The following CFH variants were observed in gnomAD, a reference collection of about 807,000 sequenced individuals.
The protein encoded by CFH is H factor 1 (complement).
Under a neutral mutation model 147.3 loss-of-function variants are expected in CFH, and 53 were observed. That is an observed-to-expected ratio of 0.36 (90% CI 0.29 to 0.45). The LOEUF is 0.45. Ranked by LOEUF, CFH falls within the 20% of genes least tolerant of loss-of-function variation. CFH has a pLI of 1.00. For missense variants in CFH, 1,380 were observed against 1,498.0 expected (o/e 0.92, Z 1.30); for synonymous variants, 536 against 489.4 (o/e 1.10, Z -1.26).
At chr1:196,736,793 T>C in intron 15 of CFH, 31 bp from the exon 16 acceptor site, 1 of 1,065,362 alleles carries the variant, frequency 9.4e-7, no homozygotes, top group Non-Finnish European at 1.2e-6. Context: ...TTTTTTATTA[T>C]AACATTAATT....
At chr1:196,737,804 A>T in intron 17 of CFH, 144 bp downstream of exon 17, 2 of 592,156 alleles carry the variant, frequency 3.4e-6, no homozygotes, top group Non-Finnish European at 5.7e-6. Flanking sequence ...TTTTTGCATG[A>T]TTGAATCTAT....
chr1:196,744,350 T>C (rs1356057933), intron 20 of CFH, among the ~76,000 whole-genome samples: 4 of 152,130 alleles, frequency 2.6e-5, no homozygotes, highest in Non-Finnish European at 4.4e-5. Context: ...AGGACTTAAA[T>C]CTCTGTCGTT....
intron 1 of CFH, among the ~76,000 whole-genome samples, chr1:196,659,626 A>G (rs549503800): frequency 6.6e-6 from 1 of 152,294 alleles, no homozygotes; most frequent in South Asian, 2.1e-4. Context: ...TGAAATTGCC[A>G]GGAGGAGGAT....
rs758919569 is a variant in CFH at position 196,679,735 on chromosome 1, T to C, written c.732T>C (p.Ser244=). The C allele has an allele frequency of 6.2e-7, 1 of 1,611,810 alleles. No individual in the cohort carries two copies. Among genetic ancestry groups the C allele is most frequent in the South Asian group, 1.1e-5 (1 of 90,990 alleles). The change falls in exon 6 of 22, where the codon AGT becomes AGC. Residue 244 remains serine (S), a synonymous_variant. Transcript: ENST00000367429. ...QYKCNMGYEY[S]ERGDAVCTES... The stretch of plus-strand genomic sequence containing the variant: ...AATGTAACATGGGTTATGAATACAG[T>C]GAAAGAGGAGATGCTGTATGCACTG...
chr1:196,694,802 C>A (rs1668195130), intron 9 of CFH, among the ~76,000 whole-genome samples: 2 of 152,190 alleles, frequency 1.3e-5, no homozygotes. Context: ...TAAATGTCTT[C>A]TTTTGAGAAG....
At chr1:196,705,515 T>C (rs888738874) in intron 9 of CFH, among the ~76,000 whole-genome samples, 2 of 152,178 alleles carry the variant, frequency 1.3e-5, no homozygotes, top group Admixed American at 1.3e-4. Flanking sequence ...TTCTAACCAT[T>C]AAGTAAAAAT....
At chr1:196,679,236 C>G (rs1667567343) in intron 5 of CFH, 1 of 164,926 alleles carries the variant, frequency 6.1e-6, no homozygotes, top group African/African-American at 2.4e-5. Flanking sequence ...AAATCAATGT[C>G]TTTGACAAAA....
At chr1:196,674,241 C>A (rs1667381282) in intron 3 of CFH, among the ~76,000 whole-genome samples, 1 of 152,082 alleles carries the variant, frequency 6.6e-6, no homozygotes, top group Admixed American at 6.5e-5. Context: ...CCCAACAAGT[C>A]TTCACGACAT....
At chr1:196,681,989 T>C (rs1173591326) in intron 6 of CFH, among the ~76,000 whole-genome samples, 1 of 151,812 alleles carries the variant, frequency 6.6e-6, no homozygotes, top group Non-Finnish European at 1.5e-5. Context: ...AATTAAATAA[T>C]AAGATAATAT....
chr1:196,736,769 ATTTTTAT>A (rs1269983154), intron 15 of CFH, 48 bp from the exon 16 acceptor site: 34 of 910,476 alleles, frequency 3.7e-5, no homozygotes, highest in Middle Eastern at 4.1e-4. Flanking sequence ...TAATTTTAAT[ATTTTTAT>A]TTTTTATTTT....
intron 15 of CFH, among the ~76,000 whole-genome samples, chr1:196,729,254 A>G (rs1669225205): frequency 6.6e-6 from 1 of 152,070 alleles, no homozygotes; most frequent in South Asian, 2.1e-4. Flanking sequence ...TCCTTAAAGA[A>G]GCAAATAATA....
intron 15 of CFH, among the ~76,000 whole-genome samples, chr1:196,731,885 T>TA (rs1669288364): frequency 1.3e-5 from 2 of 152,042 alleles, no homozygotes; most frequent in South Asian, 4.1e-4. Flanking sequence ...CCATTTTATG[T>TA]AACCATTCAC....
intron 1 of CFH, among the ~76,000 whole-genome samples, chr1:196,663,521 C>A (rs897138887): frequency 6.6e-6 from 1 of 152,044 alleles, no homozygotes; most frequent in African/African-American, 2.4e-5. Flanking sequence ...TGATTATAGT[C>A]TGTATATATT....
intron 1 of CFH, 75 bp downstream of exon 1, chr1:196,652,250 TA>T: frequency 8.4e-7 from 1 of 1,193,034 alleles, no homozygotes; most frequent in Non-Finnish European, 1.2e-6. Context: ...ACAGGAGTAA[TA>T]AAAATTTGAT....
chr1:196,682,444 T>C (rs1417250074), intron 6 of CFH, among the ~76,000 whole-genome samples: 1 of 151,740 alleles, frequency 6.6e-6, no homozygotes, highest in Non-Finnish European at 1.5e-5. Context: ...GATTTATGTC[T>C]ACTGCTTGAG....
chr1:196,690,935 T>C (rs1471400760), intron 9 of CFH, among the ~76,000 whole-genome samples: 1 of 152,126 alleles, frequency 6.6e-6, no homozygotes, highest in Non-Finnish European at 1.5e-5. Context: ...CATATGAACA[T>C]GCCTAGTCCC....
chr1:196,698,028 T>G (rs957519872), intron 9 of CFH, among the ~76,000 whole-genome samples: 2 of 138,642 alleles, frequency 1.4e-5, no homozygotes, highest in African/African-American at 5.2e-5. Context: ...GGGGGAGGGA[T>G]AGCATTAGGA....
At chr1:196,747,018 G>C in intron 21 of CFH, 93 bp from the exon 22 acceptor site, 1 of 1,570,590 alleles carries the variant, frequency 6.4e-7, no homozygotes, top group Non-Finnish European at 8.7e-7. Context: ...AATAATTCCT[G>C]AACCATCATA....
chr1:196,690,021 T>G, intron 8 of CFH, 42 bp from the exon 9 acceptor site: 5 of 1,542,898 alleles, frequency 3.2e-6, no homozygotes, highest in Non-Finnish European at 4.4e-6. Flanking sequence ...AAATTTATGT[T>G]TCTCATTTAC....
Sources: allele counts gnomAD v4.1 joint callset (sites outside exome capture counted in the v4.1 genomes callset), GRCh38; gene constraint gnomAD v4.1.1; transcripts MANE v1.5; gene names NCBI Gene and HGNC (gene_info 2026-07-23, HGNC 2026-07-21).